Variants in ARHGEF38 observed in about 807,000 individuals in gnomAD.
The protein encoded by ARHGEF38 is Rho guanine nucleotide exchange factor 38, also known as Rho guanine nucleotide exchange factor (GEF) 38.
In ARHGEF38, 79 loss-of-function variants were observed where a neutral mutation model predicts 79.9. The observed-to-expected ratio is 0.99, with a 90% CI of 0.82 to 1.19. ARHGEF38 has a LOEUF of 1.19. Among genes scored for constraint, ARHGEF38 ranks in the 50% most tolerant of loss-of-function variants. The pLI is 0.00. For missense variants in ARHGEF38, 962 were observed against 907.2 expected, an observed-to-expected ratio of 1.06 and a Z score of -0.78; for synonymous variants, 366 against 328.3, an observed-to-expected ratio of 1.11 and a Z score of -1.24.
intron 1 of ARHGEF38, among the ~76,000 whole-genome samples, chr4:105,576,921 T>C (rs1726530842): frequency 6.6e-6 from 1 of 152,172 alleles, no homozygotes; most frequent in Non-Finnish European, 1.5e-5. Context: ...TCGCACATAT[T>C]GACTCGTATA....
In ARHGEF38 at chr4:105,561,454, A is replaced by AATGGAATGGAATG. The variant is rs1560684495; in HGVS notation, c.196+8493_196+8494insATGGAATGGAATG. 240 of 36,072 alleles carry AATGGAATGGAATG rather than the reference A, an allele frequency of 6.7e-3. 7 individuals are homozygous for AATGGAATGGAATG. The highest frequency in any genetic ancestry group is 7.9e-3 in the Non-Finnish European group (140 of 17,726). The allele number at this position is 36,072 out of a possible 1,614,324, so 2.2% of individuals were successfully genotyped here. On this transcript the variant is annotated intron_variant, in intron 1 of 13. Transcript: ENST00000420470. ...AGAATAGAATAGAATAGAATGGAAT[A>AATGGAATGGAATG]GAATAGAATAGAATAGAATAGAATA...
At chr4:105,593,036 T>C (rs530652805) in intron 2 of ARHGEF38, among the ~76,000 whole-genome samples, 2 of 152,148 alleles carry the variant, frequency 1.3e-5, no homozygotes, top group African/African-American at 4.8e-5. Context: ...TTATCTACTA[T>C]CTTAAAAACC....
intron 1 of ARHGEF38, among the ~76,000 whole-genome samples, chr4:105,586,432 C>T (rs1727052723): frequency 6.6e-6 from 1 of 152,034 alleles, no homozygotes; most frequent in Non-Finnish European, 1.5e-5. Context: ...ACCCACCTTG[C>T]CCCCACAAAT....
Position 105,678,017 on chromosome 4 carries a change from C to A in ARHGEF38, c.*80C>A, listed in dbSNP as rs1731181800. On this transcript the variant is annotated 3_prime_UTR_variant, in exon 14 of 14. Coordinates refer to ENST00000420470, the MANE Select transcript of ARHGEF38 (RefSeq NM_001242729.2). ...AAAACTGACATTACAAAACTTTGGACCAGAAAGCAAGAAACCTCTGAACTA... is the reference window on the plus strand; with the variant it reads ...AAAACTGACATTACAAAACTTTGGAACAGAAAGCAAGAAACCTCTGAACTA... 7.8e-6 allele frequency: 10 copies of A among 1,284,898 alleles called. No individual in the cohort carries two copies. The highest frequency in any genetic ancestry group is 1.5e-5 in the African/African-American group (1 of 66,972). 79.6% of individuals were successfully genotyped at this position (1,284,898 alleles called of 1,614,324 possible).
At chr4:105,612,847 A>T (rs540241544) in intron 2 of ARHGEF38, among the ~76,000 whole-genome samples, 2 of 152,256 alleles carry the variant, frequency 1.3e-5, no homozygotes, top group South Asian at 4.1e-4. Flanking sequence ...GTGTGCATGA[A>T]ATAACAAAAT....
chr4:105,600,873 G>A (rs936465461), intron 2 of ARHGEF38, among the ~76,000 whole-genome samples: 5 of 151,994 alleles, frequency 3.3e-5, no homozygotes, highest in Non-Finnish European at 7.4e-5. Flanking sequence ...ATATCAGATC[G>A]ATCAGCAAAT....
At chr4:105,676,270 C>T (rs529412174) in intron 13 of ARHGEF38, among the ~76,000 whole-genome samples, 5 of 152,264 alleles carry the variant, frequency 3.3e-5, no homozygotes, top group African/African-American at 1.2e-4. Flanking sequence ...TATTCATCTC[C>T]GTACCTTCAA....
intron 13 of ARHGEF38, among the ~76,000 whole-genome samples, chr4:105,674,427 A>C (rs1461314896): frequency 6.6e-6 from 1 of 152,186 alleles, no homozygotes; most frequent in Non-Finnish European, 1.5e-5. Flanking sequence ...TTAGCATTTA[A>C]GATTAGAAAG....
At chr4:105,652,443 T>C (rs1304859523) in intron 7 of ARHGEF38, among the ~76,000 whole-genome samples, 1 of 152,182 alleles carries the variant, frequency 6.6e-6, no homozygotes, top group African/African-American at 2.4e-5. Context: ...AGCAATTAAT[T>C]TTCTACAGTG....
At chr4:105,651,023 C>A (rs1430714535) in intron 7 of ARHGEF38, among the ~76,000 whole-genome samples, 4 of 152,138 alleles carry the variant, frequency 2.6e-5, no homozygotes, top group Non-Finnish European at 4.4e-5. Context: ...AATTCCCCCC[C>A]CAAGTCTTTG....
chr4:105,593,486 C>T (rs1727434009), intron 2 of ARHGEF38, among the ~76,000 whole-genome samples: 1 of 152,064 alleles, frequency 6.6e-6, no homozygotes, highest in African/African-American at 2.4e-5. Flanking sequence ...TGCAGTGAGC[C>T]ATGATCACGC....
intron 1 of ARHGEF38, among the ~76,000 whole-genome samples, chr4:105,562,579 A>AAAATAGG (rs980466430): frequency 6.6e-6 from 1 of 152,214 alleles, no homozygotes; most frequent in African/African-American, 2.4e-5. Flanking sequence ...CTGGCCAAGA[A>AAAATAGG]AAATAGGATC....
At position 105,679,326 on chromosome 4, in the gene ARHGEF38, G is replaced by T; in HGVS notation, c.*1389G>T. On this transcript the variant is annotated 3_prime_UTR_variant, in exon 14 of 14. Transcript: ENST00000420470. ...TTTGCCTGTAACCTTTGACTCAATT[G>T]GAGGAATATCAAAGCAAACACCCAT... 1 of 888,060 alleles carries T rather than the reference G, an allele frequency of 1.1e-6. No individual in the cohort carries two copies. The highest frequency in any genetic ancestry group is 1.9e-6 in the Non-Finnish European group (1 of 535,452). 55.0% of individuals were successfully genotyped at this position (888,060 alleles called of 1,614,324 possible).
chr4:105,593,108 T>C (rs1306141515), intron 2 of ARHGEF38, among the ~76,000 whole-genome samples: 1 of 152,226 alleles, frequency 6.6e-6, no homozygotes, highest in Non-Finnish European at 1.5e-5. Context: ...ATCATCTATA[T>C]TCATTGTCTA....
chr4:105,613,134 A>G (rs566253879), intron 2 of ARHGEF38, among the ~76,000 whole-genome samples: 17 of 152,294 alleles, frequency 1.1e-4, no homozygotes, highest in African/African-American at 4.1e-4. Flanking sequence ...TCTGGTTCTT[A>G]TAGGAATATA....
rs564094920 is a variant in ARHGEF38, at chr4:105,647,922, C to T, written c.875-627C>T. Among the ~76,000 whole-genome samples, 78 of 139,486 alleles carry T rather than the reference C, an allele frequency of 5.6e-4. No homozygotes were observed. In the Middle Eastern group the frequency reaches 0.012, roughly 22 times the overall value. The allele number at this position is 139,486 out of a possible 152,430, so 91.5% of individuals were successfully genotyped here. ...TTTTTTTTTTTGAGACAGAGTCTTG[C>T]TCTGTCATCCATGCTGGAATGCAGT... On this transcript the variant is annotated intron_variant, in intron 6 of 13. Transcript: ENST00000420470.
intron 2 of ARHGEF38, among the ~76,000 whole-genome samples, chr4:105,591,824 T>C (rs1727353916): frequency 6.6e-6 from 1 of 152,220 alleles, no homozygotes; most frequent in South Asian, 2.1e-4. Flanking sequence ...ACCTGGAAAT[T>C]TCTTATTCAT....
chr4:105,553,614 A>G (rs1725109115), intron 1 of ARHGEF38, among the ~76,000 whole-genome samples: 1 of 152,224 alleles, frequency 6.6e-6, no homozygotes. Flanking sequence ...GTGATGGTAC[A>G]AAGATAATTT....
At chr4:105,625,146 T>C (rs1578323232) in intron 3 of ARHGEF38, among the ~76,000 whole-genome samples, 1 of 152,372 alleles carries the variant, frequency 6.6e-6, no homozygotes, top group East Asian at 1.9e-4. Flanking sequence ...AGAATTGAAC[T>C]TACTGCATAG....
Sources: gnomAD v4.1 joint callset for allele counts (sites outside exome capture counted in the v4.1 genomes callset) on GRCh38, gnomAD v4.1.1 for gene constraint, MANE v1.5 for transcripts, NCBI Gene and HGNC (gene_info 2026-07-23, HGNC 2026-07-21) for gene names.